The following GLI3 variants were observed in gnomAD, a reference collection of about 807,000 sequenced individuals.
GLI3 encodes transcription activator GLI3.
A neutral mutation model predicts 100.8 loss-of-function variants in GLI3; 20 were observed. The observed-to-expected ratio is 0.20, with a 90% CI of 0.14 to 0.29. GLI3 has a LOEUF of 0.29. GLI3 is among the 10% of genes least tolerant of loss of function. The pLI is 1.00. For synonymous variants in GLI3, 938 were observed against 860.5 expected (o/e 1.09, Z -1.58); for missense variants, 2,040 against 2,128.5 (o/e 0.96, Z 0.82).
intron 10 of GLI3, among the ~76,000 whole-genome samples, chr7:42,010,715 C>G (rs894844059): frequency 2.6e-4 from 40 of 152,174 alleles, no homozygotes; most frequent in African/African-American, 8.9e-4. Flanking sequence ...TAGTTAAGAA[C>G]ATCTAAAGGC....
In GLI3 at chr7:42,125,213, G is replaced by A. The variant is rs188887043; in HGVS notation, c.367+23013C>T. 6.6e-5 allele frequency among the ~76,000 whole-genome samples: 10 copies of A among 152,330 alleles called. No individual in the cohort carries two copies. In the East Asian group the frequency reaches 7.7e-4, roughly 12 times the overall value. On this transcript the variant is annotated intron_variant, in intron 3 of 14. Transcript: ENST00000395925. The stretch of plus-strand genomic sequence containing the variant: ...AAGTACCAACAACTTGGAGAGGTAA[G>A]GGGAAAGAAAAGCCTGCCATGGTGC...
chr7:42,103,373 C>T (rs1027856519), intron 3 of GLI3, among the ~76,000 whole-genome samples: 1 of 152,116 alleles, frequency 6.6e-6, no homozygotes, highest in African/African-American at 2.4e-5. Context: ...TACACATGTC[C>T]TTAAACCCCC....
intron 10 of GLI3, among the ~76,000 whole-genome samples, chr7:41,999,167 A>G (rs898244062): frequency 1.3e-5 from 2 of 152,206 alleles, no homozygotes; most frequent in African/African-American, 4.8e-5. Flanking sequence ...TGGACCTTAG[A>G]TGGCAAAAAC....
At chr7:42,257,354 C>G (rs1433284320) in intron 1 of GLI3, among the ~76,000 whole-genome samples, 1 of 130,596 alleles carries the variant, frequency 7.7e-6, no homozygotes, top group East Asian at 2.2e-4. Context: ...ATCATTCAGT[C>G]TTTTTTTTTT....
chr7:42,196,254 G>T (rs1354878414), intron 2 of GLI3, among the ~76,000 whole-genome samples: 1 of 152,184 alleles, frequency 6.6e-6, no homozygotes, highest in Non-Finnish European at 1.5e-5. Context: ...ATCTCTTTTA[G>T]CAGAAAGTGG....
intron 3 of GLI3, among the ~76,000 whole-genome samples, chr7:42,116,279 G>A (rs894656496): frequency 2.2e-4 from 34 of 152,184 alleles, no homozygotes; most frequent in African/African-American, 5.5e-4. Context: ...AGCAGCACAC[G>A]AGCTCATGTG....
chr7:42,039,737 GC>G (rs1394775450), intron 7 of GLI3, among the ~76,000 whole-genome samples: 14 of 152,314 alleles, frequency 9.2e-5, no homozygotes, highest in African/African-American at 3.1e-4. Flanking sequence ...CAAGGAAAAG[GC>G]TGGATAAAAA....
At chr7:41,969,974 C>T (rs1787323509) in intron 13 of GLI3, among the ~76,000 whole-genome samples, 1 of 152,102 alleles carries the variant, frequency 6.6e-6, no homozygotes, top group Admixed American at 6.5e-5. Flanking sequence ...CCAACTAACT[C>T]CACATTTTTC....
intron 3 of GLI3, among the ~76,000 whole-genome samples, chr7:42,102,769 T>C (rs1583559279): frequency 6.6e-6 from 1 of 152,344 alleles, no homozygotes; most frequent in African/African-American, 2.4e-5. Flanking sequence ...GCAATCCTGC[T>C]CCGGCTTGTC....
At chr7:42,012,650 G>A (rs1353783681) in intron 10 of GLI3, among the ~76,000 whole-genome samples, 2 of 151,964 alleles carry the variant, frequency 1.3e-5, no homozygotes, top group Admixed American at 6.6e-5. Context: ...AAGATGCTCT[G>A]GACTGATAAC....
At chr7:42,164,711 T>A (rs1214019611) in intron 2 of GLI3, among the ~76,000 whole-genome samples, 1 of 151,064 alleles carries the variant, frequency 6.6e-6, no homozygotes, top group Non-Finnish European at 1.5e-5. Flanking sequence ...GTGGCTGTAG[T>A]CCCAGCTATT....
At chr7:42,072,998 A>G (rs748047331) in intron 4 of GLI3, among the ~76,000 whole-genome samples, 9 of 152,210 alleles carry the variant, frequency 5.9e-5, no homozygotes, top group Non-Finnish European at 1.3e-4. Flanking sequence ...AAACGGGAAG[A>G]TTCCTCATAT....
chr7:42,187,340 G>T (rs932922151), intron 2 of GLI3, among the ~76,000 whole-genome samples: 30 of 151,890 alleles, frequency 2.0e-4, no homozygotes, highest in African/African-American at 7.0e-4. Flanking sequence ...TGATATCTAG[G>T]ATATTATTGT....
At chr7:42,089,127 T>C (rs972115642) in intron 3 of GLI3, among the ~76,000 whole-genome samples, 2 of 152,192 alleles carry the variant, frequency 1.3e-5, no homozygotes, top group Non-Finnish European at 2.9e-5. Flanking sequence ...ATGGTCTGCT[T>C]CTGGAGTCTG....
chr7:42,119,739 T>G (rs534706978), intron 3 of GLI3, among the ~76,000 whole-genome samples: 2 of 152,296 alleles, frequency 1.3e-5, no homozygotes, highest in South Asian at 4.1e-4. Flanking sequence ...ACTAAATCCC[T>G]CTTAAAAGGT....
At chr7:41,987,261 C>T (rs1363287525) in intron 10 of GLI3, among the ~76,000 whole-genome samples, 1 of 152,080 alleles carries the variant, frequency 6.6e-6, no homozygotes, top group Non-Finnish European at 1.5e-5. Context: ...CTCCACCTCC[C>T]GAGTTCAAGT....
At chr7:42,129,593 G>T (rs533609024) in intron 3 of GLI3, among the ~76,000 whole-genome samples, 22 of 152,018 alleles carry the variant, frequency 1.4e-4, no homozygotes, top group Non-Finnish European at 2.8e-4. Flanking sequence ...GGGGGATCAC[G>T]AGGTCAGGAG....
At chr7:42,175,665 G>A (rs572947358) in intron 2 of GLI3, among the ~76,000 whole-genome samples, 14 of 149,710 alleles carry the variant, frequency 9.4e-5, no homozygotes, top group African/African-American at 2.2e-4. Context: ...AAACTTTTGC[G>A]GCTGAAAGTG....
intron 10 of GLI3, among the ~76,000 whole-genome samples, chr7:42,008,665 A>G (rs138237693): frequency 6.6e-6 from 1 of 152,304 alleles, no homozygotes; most frequent in Non-Finnish European, 1.5e-5. Flanking sequence ...ACCTGATCCA[A>G]TGCCTATACA....
Sources: allele counts gnomAD v4.1 joint callset (sites outside exome capture counted in the v4.1 genomes callset), GRCh38; gene constraint gnomAD v4.1.1; transcripts MANE v1.5; gene names NCBI Gene and HGNC (gene_info 2026-07-23, HGNC 2026-07-21).